The following SCMH1 variants were observed in gnomAD, a reference collection of about 807,000 sequenced individuals.
SCMH1 encodes Scm polycomb group protein homolog 1, also known as polycomb protein SCMH1.
In SCMH1, 37 loss-of-function variants were observed where a neutral mutation model predicts 70.8. That is an observed-to-expected ratio of 0.52 (90% CI 0.40 to 0.69). The LOEUF (loss-of-function observed/expected upper bound fraction) is 0.69. SCMH1 is among the 30% of genes least tolerant of loss of function. The pLI, the probability that SCMH1 is intolerant of heterozygous loss-of-function variation, is 0.00. For synonymous variants in SCMH1, 292 were observed against 307.4 expected, an observed-to-expected ratio of 0.95 and a Z score of 0.52; for missense variants, 607 against 827.3, an observed-to-expected ratio of 0.73 and a Z score of 3.27.
chr1:41,144,664 G>A (rs1032897741), intron 5 of SCMH1, among the ~76,000 whole-genome samples: 1 of 152,006 alleles, frequency 6.6e-6, no homozygotes, highest in Non-Finnish European at 1.5e-5. Context: ...TAACACTTTG[G>A]GTAACCTCTG....
intron 1 of SCMH1, among the ~76,000 whole-genome samples, chr1:41,222,454 C>T (rs1258423443): frequency 6.6e-6 from 1 of 152,004 alleles, no homozygotes; most frequent in Non-Finnish European, 1.5e-5. Context: ...GCACCTTTAC[C>T]TTCATATAGG....
intron 8 of SCMH1, among the ~76,000 whole-genome samples, chr1:41,103,863 C>T (rs771111134): frequency 2.6e-5 from 4 of 152,058 alleles, no homozygotes; most frequent in African/African-American, 7.2e-5. Context: ...GACCTAATTA[C>T]AATCAGTGGG....
At chr1:41,108,398 G>A (rs534481627) in intron 8 of SCMH1, among the ~76,000 whole-genome samples, 4 of 152,240 alleles carry the variant, frequency 2.6e-5, no homozygotes, top group South Asian at 4.1e-4. Flanking sequence ...GAAGTCAAGT[G>A]GATTATCATG....
chr1:41,191,059 G>A (rs59603043), intron 1 of SCMH1, among the ~76,000 whole-genome samples: 1,963 of 152,202 alleles, frequency 0.013, 41 homozygotes, highest in African/African-American at 0.045. Context: ...ATTTTTTGTA[G>A]AGGCGAGGTC....
At chr1:41,079,426 C>A (rs566913612) in intron 8 of SCMH1, among the ~76,000 whole-genome samples, 1 of 152,068 alleles carries the variant, frequency 6.6e-6, no homozygotes, top group South Asian at 2.1e-4. Flanking sequence ...TATAAAAACA[C>A]AGGAAGAGAA....
At chr1:41,081,259 T>C (rs1659930448) in intron 8 of SCMH1, among the ~76,000 whole-genome samples, 1 of 152,250 alleles carries the variant, frequency 6.6e-6, no homozygotes, top group Admixed American at 6.5e-5. Flanking sequence ...TGAAGGGATA[T>C]GTTACATTCA....
chr1:41,211,473 C>G (rs1657011774), intron 1 of SCMH1, among the ~76,000 whole-genome samples: 1 of 152,152 alleles, frequency 6.6e-6, no homozygotes, highest in African/African-American at 2.4e-5. Context: ...AATGAGATAC[C>G]ATCTCACGCC....
intron 10 of SCMH1, among the ~76,000 whole-genome samples, chr1:41,057,905 G>A (rs546618193): frequency 1.3e-5 from 2 of 152,184 alleles, no homozygotes; most frequent in South Asian, 4.2e-4. Flanking sequence ...TGGATTGAGT[G>A]AGCTCAAGAG....
rs553782125 is a variant in SCMH1 at position 41,241,632 on chromosome 1, C to T, written c.-118+427G>A. ...CTGACCCGCGCAGACGGGGTCGCGC[C>T]GCCGCCCGGCCCTCGGCCCCCAGCC... is the stretch of plus-strand genomic sequence containing the variant. On this transcript the variant is annotated intron_variant, in intron 1 of 14. Coordinates refer to ENST00000337495, the Ensembl canonical transcript of SCMH1. Among the ~76,000 whole-genome samples the T allele has an allele frequency of 3.3e-5, 5 of 152,194 alleles. No homozygotes were observed. The South Asian group carries it at 1.0e-3, about 32-fold the overall frequency.
chr1:41,096,804 C>T (rs1447723365), intron 8 of SCMH1, among the ~76,000 whole-genome samples: 1 of 151,994 alleles, frequency 6.6e-6, no homozygotes, highest in Non-Finnish European at 1.5e-5. Flanking sequence ...CCTTTTTTCT[C>T]ATTCTTCTCA....
chr1:41,056,763 G>T (rs555399711), intron 10 of SCMH1, among the ~76,000 whole-genome samples: 41 of 152,296 alleles, frequency 2.7e-4, no homozygotes, highest in Middle Eastern at 3.4e-3. Context: ...AGAAGTTTGA[G>T]ATTAAAACTC....
At chr1:41,103,036 TG>T (rs1480018051) in intron 8 of SCMH1, among the ~76,000 whole-genome samples, 14 of 152,180 alleles carry the variant, frequency 9.2e-5, no homozygotes, top group East Asian at 5.8e-4. Flanking sequence ...GTTTATGTTT[TG>T]TTTTTTTTCT....
At chr1:41,034,459 C>T (rs978026411) in intron 13 of SCMH1, among the ~76,000 whole-genome samples, 6 of 151,994 alleles carry the variant, frequency 3.9e-5, no homozygotes, top group Non-Finnish European at 7.4e-5. Context: ...TCCTGAGTAG[C>T]TGGGACTACA....
intron 6 of SCMH1, among the ~76,000 whole-genome samples, chr1:41,139,802 G>A (rs1643884157): frequency 6.6e-6 from 1 of 152,068 alleles, no homozygotes; most frequent in Admixed American, 6.5e-5. Flanking sequence ...AAAGACCAAG[G>A]TGAAAGAGAT....
intron 10 of SCMH1, among the ~76,000 whole-genome samples, chr1:41,060,320 G>A (rs950067359): frequency 2.0e-5 from 3 of 151,902 alleles, no homozygotes; most frequent in Non-Finnish European, 4.4e-5. Context: ...ACCTATAGAG[G>A]GGCAAAGACA....
At chr1:41,202,208 G>A (rs781380948) in intron 1 of SCMH1, among the ~76,000 whole-genome samples, 3 of 151,910 alleles carry the variant, frequency 2.0e-5, no homozygotes, top group Non-Finnish European at 4.4e-5. Flanking sequence ...GCTAATTTTC[G>A]TATTTTTAGT....
At chr1:41,052,824 G>A (rs1648700719) in intron 10 of SCMH1, among the ~76,000 whole-genome samples, 1 of 151,988 alleles carries the variant, frequency 6.6e-6, no homozygotes, top group Non-Finnish European at 1.5e-5. Context: ...CAACTGTAAG[G>A]AGGCATAAGG....
intron 4 of SCMH1, among the ~76,000 whole-genome samples, chr1:41,159,414 A>G (rs1645837520): frequency 6.6e-6 from 1 of 152,220 alleles, no homozygotes; most frequent in Non-Finnish European, 1.5e-5. Context: ...CAAAAACAAC[A>G]GCAGCTATCA....
At chr1:41,239,735 G>A (rs1663120865) in intron 1 of SCMH1, among the ~76,000 whole-genome samples, 1 of 152,026 alleles carries the variant, frequency 6.6e-6, no homozygotes, top group African/African-American at 2.4e-5. Context: ...GACTCAAACG[G>A]TCCTCCTGCC....
Sources: allele counts gnomAD v4.1 joint callset (sites outside exome capture counted in the v4.1 genomes callset), GRCh38; gene constraint gnomAD v4.1.1; transcripts MANE v1.5; gene names NCBI Gene and HGNC (gene_info 2026-07-23, HGNC 2026-07-21).